Variants in EYS observed in about 807,000 individuals in gnomAD.
EYS encodes the protein protein eyes shut homolog.
EYS carries 250 observed loss-of-function variants against 282.1 expected under a neutral mutation model. That is an observed-to-expected ratio of 0.89 (90% CI 0.80 to 0.98). The LOEUF is 0.98. EYS is among the 50% of genes least tolerant of loss of function. The pLI is 0.00. For missense variants in EYS, 4,016 were observed against 3,709.0 expected, an observed-to-expected ratio of 1.08 and a Z score of -2.15; for synonymous variants, 1,355 against 1,282.9, an observed-to-expected ratio of 1.06 and a Z score of -1.20.
intron 12 of EYS, among the ~76,000 whole-genome samples, chr6:65,070,239 TTC>T (rs1451037271): frequency 6.6e-6 from 1 of 151,958 alleles, no homozygotes; most frequent in African/African-American, 2.4e-5. Flanking sequence ...GCAGCAAAAC[TTC>T]TCTCTCTTGA....
chr6:64,031,365 C>T (rs1033590467), intron 33 of EYS, among the ~76,000 whole-genome samples: 15 of 152,206 alleles, frequency 9.9e-5, no homozygotes, highest in Admixed American at 2.6e-4. Context: ...GGCAGGACTG[C>T]GGACATGCAG....
At position 65,266,564 on chromosome 6, in the gene EYS, A is replaced by G. The variant is rs141567370; in HGVS notation, c.2023+29299T>C. Among the ~76,000 whole-genome samples, 784 of 152,024 alleles carry G rather than the reference A, an allele frequency of 5.2e-3. 6 individuals are homozygous for G. The highest frequency in any genetic ancestry group is 0.018 in the African/African-American group (753 of 41,528). ...CCACAAAAATGCTTTATGTAAATTG[A>G]TCGTGGTGCATAAGCCTTTTGATGT... On this transcript the variant is annotated intron_variant, in intron 12 of 42. Coordinates refer to ENST00000503581, the MANE Select transcript of EYS (RefSeq NM_001142800.2).
chr6:64,959,875 ATTTTTTTTTT>A (rs35264278), intron 14 of EYS, among the ~76,000 whole-genome samples: 2 of 119,256 alleles, frequency 1.7e-5, no homozygotes, highest in Non-Finnish European at 3.4e-5. Flanking sequence ...ACGACTCAGG[ATTTTTTTTTT>A]TTTTTTTTTT....
chr6:65,162,443 C>A (rs1460293555), intron 12 of EYS, among the ~76,000 whole-genome samples: 1 of 151,186 alleles, frequency 6.6e-6, no homozygotes, highest in Non-Finnish European at 1.5e-5. Context: ...AGGTAATTCT[C>A]AATTCACATC....
At chr6:64,646,831 C>A (rs1429452791) in intron 22 of EYS, among the ~76,000 whole-genome samples, 1 of 150,956 alleles carries the variant, frequency 6.6e-6, no homozygotes, top group Non-Finnish European at 1.5e-5. Flanking sequence ...AAAGAAAATT[C>A]TTCATAAATG....
intron 30 of EYS, among the ~76,000 whole-genome samples, chr6:64,232,159 G>T (rs1023372625): frequency 6.6e-6 from 1 of 152,070 alleles, no homozygotes; most frequent in African/African-American, 2.4e-5. Flanking sequence ...TCTTTATGGT[G>T]TTCATCACAG....
chr6:65,646,621 G>T (rs1361301978), intron 1 of EYS, among the ~76,000 whole-genome samples: 1 of 152,150 alleles, frequency 6.6e-6, no homozygotes, highest in Non-Finnish European at 1.5e-5. Context: ...AACACGACTA[G>T]CATGCCCACT....
chr6:64,094,825 A>T (rs1772525585), intron 31 of EYS, among the ~76,000 whole-genome samples: 1 of 151,884 alleles, frequency 6.6e-6, no homozygotes. Flanking sequence ...TTGCTTCTCT[A>T]GTTCTTGTAA....
Position 64,439,364 on chromosome 6 carries a change from G to A in EYS, c.5645-12C>T, listed in dbSNP as rs568674779. ...AACACAACTGAAATCTGTGGAGTCA[G>A]AAAGAAAATACAATTTAGGTTGAAA... On this transcript the variant is annotated splice_polypyrimidine_tract_variant and intron_variant, in intron 26 of 42. Coordinates refer to ENST00000503581, the MANE Select transcript of EYS (RefSeq NM_001142800.2). The A allele has an allele frequency of 1.4e-6, 2 of 1,465,178 alleles. No homozygotes were observed. Among genetic ancestry groups the A allele is most frequent in the Non-Finnish European group, 1.8e-6 (2 of 1,107,244 alleles). The allele number at this position is 1,465,178 out of a possible 1,614,324, so 90.8% of individuals were successfully genotyped here. A position where few individuals can be genotyped will look rare whatever the true frequency, so the allele number is the denominator to read the frequency against.
chr6:63,837,418 C>G (rs12111119), intron 36 of EYS, among the ~76,000 whole-genome samples: 18,268 of 151,902 alleles, frequency 0.12, 1,319 homozygotes, highest in African/African-American at 0.19. Flanking sequence ...AGTTAGCATT[C>G]TGAAGTTGAG....
intron 26 of EYS, among the ~76,000 whole-genome samples, chr6:64,510,937 C>G (rs372752554): frequency 6.6e-6 from 1 of 152,002 alleles, no homozygotes; most frequent in Non-Finnish European, 1.5e-5. Context: ...CCTGGGGCCA[C>G]GCTTAAGAGA....
chr6:64,578,588 T>G (rs1765959639), intron 26 of EYS, among the ~76,000 whole-genome samples: 1 of 146,474 alleles, frequency 6.8e-6, no homozygotes, highest in African/African-American at 2.6e-5. Context: ...ATTCTCTTTC[T>G]CTCTCTCTTT....
At chr6:64,648,565 A>G (rs1166310910) in intron 22 of EYS, among the ~76,000 whole-genome samples, 1 of 152,232 alleles carries the variant, frequency 6.6e-6, no homozygotes, top group Non-Finnish European at 1.5e-5. Flanking sequence ...ACTGATTGAT[A>G]ATAAATTAAC....
chr6:64,253,756 G>A (rs537415131), intron 30 of EYS, among the ~76,000 whole-genome samples: 15 of 149,492 alleles, frequency 1.0e-4, no homozygotes, highest in African/African-American at 3.8e-4. Flanking sequence ...GTGCAGGGGG[G>A]TTTATTCTCA....
chr6:63,769,903 A>G (rs1769888982), intron 40 of EYS, among the ~76,000 whole-genome samples: 1 of 152,082 alleles, frequency 6.6e-6, no homozygotes, highest in African/African-American at 2.4e-5. Context: ...ATGAGATAAT[A>G]GAAGATTTAA....
intron 26 of EYS, among the ~76,000 whole-genome samples, chr6:64,573,871 T>A (rs1765800554): frequency 1.3e-5 from 2 of 152,160 alleles, no homozygotes; most frequent in Non-Finnish European, 2.9e-5. Flanking sequence ...AGTGTGGCAA[T>A]TCCTCAAGGA....
At chr6:65,561,720 G>A (rs996224197) in intron 2 of EYS, among the ~76,000 whole-genome samples, 4 of 151,818 alleles carry the variant, frequency 2.6e-5, no homozygotes, top group Admixed American at 6.6e-5. Flanking sequence ...GGCTGTCAAC[G>A]GTTTTTCAAA....
intron 31 of EYS, among the ~76,000 whole-genome samples, chr6:64,110,847 A>C (rs1246540234): frequency 6.6e-6 from 1 of 150,812 alleles, no homozygotes; most frequent in East Asian, 1.9e-4. Context: ...GAAAGGAGAC[A>C]GTATTTTGGA....
At chr6:65,236,618 A>T (rs9445488) in intron 12 of EYS, among the ~76,000 whole-genome samples, 2,098 of 152,206 alleles carry the variant, frequency 0.014, 29 homozygotes, top group African/African-American at 0.041. Flanking sequence ...AAATAAAAAA[A>T]AAATAAATAA....
Sources: allele counts gnomAD v4.1 joint callset (sites outside exome capture counted in the v4.1 genomes callset), GRCh38; gene constraint gnomAD v4.1.1; transcripts MANE v1.5; gene names NCBI Gene and HGNC (gene_info 2026-07-23, HGNC 2026-07-21).